NAV2: variants seen among roughly 807,000 people sequenced by gnomAD.
NAV2 encodes the protein helicase, APC down-regulated 1.
NAV2 carries 54 observed loss-of-function variants against 223.2 expected under a neutral mutation model. The ratio of observed to expected loss-of-function variants is 0.24; its 90% confidence interval spans 0.19 to 0.30. NAV2 has a LOEUF of 0.30. Among genes scored for constraint, NAV2 ranks in the 10% least tolerant of loss-of-function variants. NAV2 has a pLI of 1.00. For synonymous variants in NAV2, 1,279 were observed against 1,239.3 expected, an observed-to-expected ratio of 1.03 and a Z score of -0.67; for missense variants, 2,806 against 3,147.5, an observed-to-expected ratio of 0.89 and a Z score of 2.60.
chr11:19,538,033 GTTCCT>G, intron 1 of NAV2, among the ~76,000 whole-genome samples: 1 of 152,290 alleles, frequency 6.6e-6, no homozygotes, highest in South Asian at 2.1e-4. Flanking sequence ...TCAGACCTGG[GTTCCT>G]TACTCACAGT....
chr11:19,941,145 C>G (rs562585390), intron 8 of NAV2, among the ~76,000 whole-genome samples: 33 of 152,136 alleles, frequency 2.2e-4, no homozygotes, highest in Non-Finnish European at 4.3e-4. Context: ...GGAGAATATT[C>G]CAAATATTAC....
intron 1 of NAV2, among the ~76,000 whole-genome samples, chr11:19,493,115 G>C (rs2042684351): frequency 1.3e-5 from 2 of 152,182 alleles, no homozygotes; most frequent in African/African-American, 4.8e-5. Context: ...ACAGTGCCCA[G>C]CTCAGGTTAA....
At chr11:19,474,171 G>A (rs182873385) in intron 1 of NAV2, among the ~76,000 whole-genome samples, 1 of 152,250 alleles carries the variant, frequency 6.6e-6, no homozygotes, top group Non-Finnish European at 1.5e-5. Context: ...AGAACCAGCA[G>A]TCCTTTTTGC....
intron 1 of NAV2, among the ~76,000 whole-genome samples, chr11:19,392,869 G>A (rs1849303507): frequency 6.6e-6 from 1 of 152,316 alleles, no homozygotes; most frequent in African/African-American, 2.4e-5. Flanking sequence ...TAGGAAGTAT[G>A]TTATCTTTCT....
Position 19,850,855 on chromosome 11 carries a change from A to G in NAV2, c.438+7932A>G, listed in dbSNP as rs553250712. 1.1e-4 allele frequency among the ~76,000 whole-genome samples: 17 copies of G among 152,346 alleles called. No individual in the cohort carries two copies. In the South Asian group the frequency reaches 2.7e-3, roughly 24 times the overall value. On this transcript the variant is annotated intron_variant, in intron 3 of 37. Transcript: ENST00000349880. The stretch of plus-strand genomic sequence containing the variant: ...TTTAACTCATTTTATTCTCATAACC[A>G]TCCTATAGAATGAGGAATATATTTT...
chr11:19,442,212 C>T (rs1851430220), intron 1 of NAV2, among the ~76,000 whole-genome samples: 1 of 152,228 alleles, frequency 6.6e-6, no homozygotes, highest in Non-Finnish European at 1.5e-5. Flanking sequence ...TCCCTCCTCC[C>T]CATCATCCCA....
chr11:20,043,973 G>A lies in NAV2; in HGVS notation c.2908-8G>A. ...GGAAGGACTAATTCAGAGAGTCTCT[G>A]TCCACAGACTGATGCTGAGAAGCAC... is the stretch of plus-strand genomic sequence containing the variant. On this transcript the variant is annotated splice_polypyrimidine_tract_variant and splice_region_variant and intron_variant, in intron 12 of 37. Transcript: ENST00000349880. 6.2e-7 allele frequency: 1 copy of A among 1,611,878 alleles called. No individual in the cohort carries two copies. The highest frequency in any genetic ancestry group is 8.5e-7 in the Non-Finnish European group (1 of 1,178,108).
intron 1 of NAV2, among the ~76,000 whole-genome samples, chr11:19,607,748 A>C (rs576737200): frequency 6.6e-6 from 1 of 152,236 alleles, no homozygotes; most frequent in African/African-American, 2.4e-5. Context: ...CTCAGATTAC[A>C]GACTTCATAA....
chr11:19,713,936 T>G lies in NAV2; in HGVS notation c.241T>G (p.Ser81Ala), dbSNP rs759662557. 15 of 1,613,150 alleles carry G rather than the reference T, an allele frequency of 9.3e-6. No individual in the cohort carries two copies. The South Asian group carries it at 1.6e-4, about 18-fold the overall frequency. Residue 81 changes from serine (S) to alanine (A), a missense_variant, in exon 1 of 38, where the codon TCG (serine) becomes GCG (alanine). Around this residue, in one of 4 missense-constraint regions of NAV2, gnomAD observed 1,167 missense variants for 1,180.5 expected, o/e 0.99. Coordinates refer to ENST00000349880, the MANE Select transcript of NAV2 (RefSeq NM_145117.5). The surrounding 1 kb of genome is among the most constrained non-coding windows in gnomAD (Gnocchi z 7.2). Reference sequence around the variant, plus strand: ...GGGGCTCCCGCTGCGGAAGAGCGGCTCGGTGGAAAACGGGTTCGATACCCA... The same window carrying G: ...GGGGCTCCCGCTGCGGAAGAGCGGCGCGGTGGAAAACGGGTTCGATACCCA... ...GEGLPLRKSG[S>A]VENGFDTQIY...
chr11:19,514,811 C>A lies in NAV2; in HGVS notation c.75+163784C>A, dbSNP rs776185413. 1.6e-4 allele frequency among the ~76,000 whole-genome samples: 23 copies of A among 143,108 alleles called. 1 individual carries two copies. Among genetic ancestry groups the A allele is most frequent in the Non-Finnish European group, 4.8e-5 (3 of 63,124 alleles). 93.9% of individuals were successfully genotyped at this position (143,108 alleles called of 152,430 possible). On this transcript the variant is annotated intron_variant, in intron 1 of 37. Transcript: ENST00000360655. Reference sequence around the variant, plus strand: ...AAAGCTTTGGACTCATGAGTTGAACCAGAAGAGATGGCTGCAGCCCAGGCA... The same window carrying A: ...AAAGCTTTGGACTCATGAGTTGAACAAGAAGAGATGGCTGCAGCCCAGGCA...
chr11:19,636,242 CT>C (rs1490434609), intron 1 of NAV2, among the ~76,000 whole-genome samples: 3 of 152,160 alleles, frequency 2.0e-5, no homozygotes, highest in African/African-American at 4.8e-5. Flanking sequence ...TTGTTTCCCC[CT>C]AGAGAAGCAA....
Position 19,879,990 on chromosome 11 carries a change from C to T in NAV2, c.633C>T (p.Ser211=). 1.2e-6 allele frequency: 2 copies of T among 1,613,882 alleles called. No individual in the cohort carries two copies. Among genetic ancestry groups the T allele is most frequent in the South Asian group, 1.1e-5 (1 of 91,066 alleles). ...CCTCACCTCTGCCGCCCGCCGTATC[C>T]CAGGTGGCCGGGGCCCCCTCCCAGT... ...HLSSPLPPAV[S]QVAGAPSQCQ... The change falls in exon 5 of 38, where the codon TCC becomes TCT. Residue 211 remains serine, a synonymous_variant. Coordinates refer to ENST00000349880, the MANE Select transcript of NAV2 (RefSeq NM_145117.5).
At chr11:19,714,141 T>A in intron 1 of NAV2, 179 bp downstream of exon 1, 1 of 924,164 alleles carries the variant, frequency 1.1e-6, no homozygotes, top group Non-Finnish European at 1.7e-6. Context: ...GGCCGGTGGG[T>A]GTGGCCCGGG....
At chr11:19,705,348 A>AT (rs1243378627) in intron 1 of NAV2, among the ~76,000 whole-genome samples, 2 of 152,178 alleles carry the variant, frequency 1.3e-5, no homozygotes, top group Non-Finnish European at 2.9e-5. Context: ...CCCTCTCCCT[A>AT]TTTGACCTCT....
rs765836476 is a variant in NAV2, at chr11:20,044,957, C to T, written c.3200-11C>T. ...TGGCTTGCAGGCTAATCTTGCTGATCTCTCTCTTAGGAAAAACAGACGACG... is the reference window on the plus strand; with the variant it reads ...TGGCTTGCAGGCTAATCTTGCTGATTTCTCTCTTAGGAAAAACAGACGACG... On this transcript the variant is annotated splice_polypyrimidine_tract_variant and intron_variant, in intron 13 of 37. Coordinates refer to ENST00000349880, the MANE Select transcript of NAV2 (RefSeq NM_145117.5). 11 of 1,591,590 alleles carry T rather than the reference C, an allele frequency of 6.9e-6. No individual in the cohort carries two copies. In the East Asian group the frequency reaches 2.0e-4, roughly 29 times the overall value.
intron 6 of NAV2, among the ~76,000 whole-genome samples, chr11:19,910,175 C>T (rs2043191023): frequency 2.0e-5 from 3 of 152,194 alleles, no homozygotes; most frequent in South Asian, 4.1e-4. Flanking sequence ...CTACATTATG[C>T]AGCTAAGGGC....
chr11:19,406,578 G>A (rs896947797), intron 1 of NAV2, among the ~76,000 whole-genome samples: 3 of 152,086 alleles, frequency 2.0e-5, no homozygotes, highest in Non-Finnish European at 2.9e-5. Context: ...CGCCAATGAA[G>A]TTATACATTC....
chr11:19,470,646 T>G (rs1482608642), intron 1 of NAV2, among the ~76,000 whole-genome samples: 1 of 151,960 alleles, frequency 6.6e-6, no homozygotes, highest in South Asian at 2.1e-4. Flanking sequence ...TTCCCAACAC[T>G]GTTACATAGG....
chr11:19,875,067 G>C (rs2062755023), intron 4 of NAV2, among the ~76,000 whole-genome samples: 1 of 152,160 alleles, frequency 6.6e-6, no homozygotes, highest in Non-Finnish European at 1.5e-5. Context: ...TGACTCAGGA[G>C]AATCACTTGA....
Sources: gnomAD v4.1 joint callset for allele counts (sites outside exome capture counted in the v4.1 genomes callset) on GRCh38, gnomAD v4.1.1 for gene constraint, gnomAD v4.1.1 regional missense constraint, Gnocchi (gnomAD v3.1) non-coding constraint, MANE v1.5 for transcripts, NCBI Gene and HGNC (gene_info 2026-07-23, HGNC 2026-07-21) for gene names.